Variants in NTM observed in about 807,000 individuals in gnomAD.
The protein encoded by NTM is neurotrimin.
A neutral mutation model predicts 42.1 loss-of-function variants in NTM; 13 were observed. The observed-to-expected ratio is 0.31, with a 90% CI of 0.20 to 0.49. The LOEUF (loss-of-function observed/expected upper bound fraction) is 0.49, where lower values mean the gene tolerates loss of function less well. Among genes scored for constraint, NTM ranks in the 20% least tolerant of loss-of-function variants. The pLI is 0.99. For missense variants in NTM, 373 were observed against 452.8 expected, an observed-to-expected ratio of 0.82 and a Z score of 1.60; for synonymous variants, 187 against 179.2, an observed-to-expected ratio of 1.04 and a Z score of -0.35.
chr11:131,543,912 A>G (rs1004491993), intron 1 of NTM, among the ~76,000 whole-genome samples: 3 of 152,212 alleles, frequency 2.0e-5, no homozygotes, highest in Admixed American at 1.3e-4. Flanking sequence ...AAGAGAGCTA[A>G]TGATGATTAC....
At chr11:131,789,602 AAGAAGAAG>A (rs2090389063) in intron 1 of NTM, among the ~76,000 whole-genome samples, 2 of 71,886 alleles carry the variant, frequency 2.8e-5, no homozygotes, top group Non-Finnish European at 5.5e-5. Flanking sequence ...GAAGAAGAAG[AAGAAGAAG>A]AAGAAGAAGA....
intron 2 of NTM, among the ~76,000 whole-genome samples, chr11:132,088,469 G>A (rs951913570): frequency 1.3e-5 from 2 of 152,122 alleles, no homozygotes; most frequent in Admixed American, 6.5e-5. Flanking sequence ...CACACTGAAA[G>A]GTGAGGAGGG....
chr11:132,223,836 C>A (rs1002988726), intron 4 of NTM, among the ~76,000 whole-genome samples: 2 of 152,148 alleles, frequency 1.3e-5, no homozygotes, highest in African/African-American at 4.8e-5. Context: ...GCGGGGGTAG[C>A]TTATGGCTAA....
At chr11:132,189,185 GGAACTGA>G (rs2078910393) in intron 3 of NTM, among the ~76,000 whole-genome samples, 1 of 152,160 alleles carries the variant, frequency 6.6e-6, no homozygotes. Flanking sequence ...TGTGCTTAAT[GGAACTGA>G]GATTTGTTTC....
chr11:131,943,039 T>A (rs2059977532), intron 2 of NTM, among the ~76,000 whole-genome samples: 1 of 151,666 alleles, frequency 6.6e-6, no homozygotes, highest in African/African-American at 2.4e-5. Context: ...CAACTCTGGG[T>A]TTTTGGAATC....
chr11:131,913,483 G>T (rs1244951023), intron 2 of NTM, among the ~76,000 whole-genome samples: 1 of 152,164 alleles, frequency 6.6e-6, no homozygotes, highest in Non-Finnish European at 1.5e-5. Flanking sequence ...CTGTCCAGAG[G>T]GTGGCTGCAT....
At chr11:132,018,489 C>A (rs2135495308) in intron 2 of NTM, among the ~76,000 whole-genome samples, 1 of 151,960 alleles carries the variant, frequency 6.6e-6, no homozygotes, top group Admixed American at 6.6e-5. Flanking sequence ...TTGAGATGAT[C>A]ATGTGGCTTT....
chr11:131,485,972 A>G (rs1954132613), intron 1 of NTM, among the ~76,000 whole-genome samples: 1 of 152,128 alleles, frequency 6.6e-6, no homozygotes, highest in Non-Finnish European at 1.5e-5. Flanking sequence ...TGAGCATGCT[A>G]TAGCCTCTAT....
chr11:131,839,020 G>A (rs2043883761), intron 1 of NTM, among the ~76,000 whole-genome samples: 2 of 151,238 alleles, frequency 1.3e-5, no homozygotes, highest in South Asian at 2.1e-4. Context: ...GAGTGCAATG[G>A]CGCAATCTCG....
chr11:131,994,015 A>AT (rs1565903991), intron 2 of NTM, among the ~76,000 whole-genome samples: 34 of 134,440 alleles, frequency 2.5e-4, no homozygotes, highest in African/African-American at 9.7e-4. Context: ...AAAAAAAAAA[A>AT]AAAAGAAGAA....
chr11:131,663,510 C>T (rs756059904), intron 1 of NTM: 6 of 152,426 alleles, frequency 3.9e-5, no homozygotes, highest in South Asian at 2.1e-4. Context: ...GTCTGCAGCA[C>T]GGGCCAGGCC....
chr11:131,635,685 GTATT>G (rs1429702292), intron 1 of NTM, among the ~76,000 whole-genome samples: 5 of 152,006 alleles, frequency 3.3e-5, no homozygotes, highest in Non-Finnish European at 7.4e-5. Context: ...TTAATTTAGT[GTATT>G]TATTAATTTA....
At chr11:131,841,570 C>G (rs890904467) in intron 1 of NTM, among the ~76,000 whole-genome samples, 4 of 152,234 alleles carry the variant, frequency 2.6e-5, no homozygotes, top group African/African-American at 9.6e-5. Flanking sequence ...CCCAGTATTT[C>G]CAATGTACAG....
chr11:132,036,230 A>G (rs1490197184), intron 2 of NTM, among the ~76,000 whole-genome samples: 3 of 152,082 alleles, frequency 2.0e-5, no homozygotes, highest in South Asian at 4.1e-4. Flanking sequence ...CTGTGATGCT[A>G]TTTGTTCTCC....
intron 1 of NTM, among the ~76,000 whole-genome samples, chr11:131,509,020 G>T (rs1021467387): frequency 6.6e-6 from 1 of 151,438 alleles, no homozygotes; most frequent in Non-Finnish European, 1.5e-5. Context: ...ATGTACCCTA[G>T]AACTTAAAGT....
chr11:132,186,833 T>C (rs775274773), intron 3 of NTM, among the ~76,000 whole-genome samples: 2 of 152,210 alleles, frequency 1.3e-5, no homozygotes, highest in African/African-American at 2.4e-5. Flanking sequence ...TTTGCCCTTC[T>C]TCCAGTTCTC....
chr11:131,818,843 T>C lies in NTM; in HGVS notation c.83-92721T>C, dbSNP rs188513892. Among the ~76,000 whole-genome samples, 11 of 152,336 alleles carry C rather than the reference T, an allele frequency of 7.2e-5. No individual in the cohort carries two copies. The East Asian group carries it at 1.9e-3, about 27-fold the overall frequency. On this transcript the variant is annotated intron_variant, in intron 1 of 8. Coordinates refer to ENST00000683400, the MANE Select transcript of NTM (RefSeq NM_001352005.2). The stretch of plus-strand genomic sequence containing the variant: ...GGTCTTCTCTCTGCCTTTTACTAGA[T>C]ACACATCTTTGATCTCCCCGCAGAG...
In NTM at chr11:132,285,900, G is replaced by T. The variant is rs201432067; in HGVS notation, c.527-21789G>T. 2.0e-5 allele frequency among the ~76,000 whole-genome samples: 3 copies of T among 152,282 alleles called. No individual in the cohort carries two copies. In the East Asian group the frequency reaches 5.8e-4, roughly 30 times the overall value. On this transcript the variant is annotated intron_variant, in intron 4 of 8. Coordinates refer to ENST00000683400, the MANE Select transcript of NTM (RefSeq NM_001352005.2). Reference sequence around the variant, plus strand: ...TCTTGTAGATGGGAATCTTGCTAATGTAGCCACTCTAGCTTATCCTGGCTG... The same window carrying T: ...TCTTGTAGATGGGAATCTTGCTAATTTAGCCACTCTAGCTTATCCTGGCTG...
Position 132,217,359 on chromosome 11 carries a change from TG to T in NTM, c.526+5213del, listed in dbSNP as rs2084087044. On this transcript the variant is annotated intron_variant, in intron 4 of 8. Coordinates refer to ENST00000683400, the MANE Select transcript of NTM (RefSeq NM_001352005.2). ...CTCTTTCTCTCTCTCTCTCTCTTTC[TG>T]TGTGTGTGTGTGTGTGTGTGTGTGT... Among the ~76,000 whole-genome samples, 616 of 70,442 alleles carry T rather than the reference TG, an allele frequency of 8.7e-3. 8 individuals carry two copies. Among genetic ancestry groups the T allele is most frequent in the African/African-American group, 0.028 (595 of 21,474 alleles). 46.2% of individuals were successfully genotyped at this position (70,442 alleles called of 152,430 possible). A position where few individuals can be genotyped will look rare whatever the true frequency, so the allele number is the denominator to read the frequency against.
Sources: gnomAD v4.1 joint callset for allele counts (sites outside exome capture counted in the v4.1 genomes callset) on GRCh38, gnomAD v4.1.1 for gene constraint, MANE v1.5 for transcripts, NCBI Gene and HGNC (gene_info 2026-07-23, HGNC 2026-07-21) for gene names.